The following AUTS2 variants were observed in gnomAD, a reference collection of about 807,000 sequenced individuals.
AUTS2 encodes activator of transcription and developmental regulator AUTS2, also known as autism susceptibility gene 2 protein.
Under a neutral mutation model 112.4 loss-of-function variants are expected in AUTS2, and 17 were observed. The ratio of observed to expected loss-of-function variants is 0.15; its 90% CI spans 0.10 to 0.23. The LOEUF is 0.23. Ranked by LOEUF, AUTS2 falls within the 10% of genes least tolerant of loss-of-function variation. The probability of loss-of-function intolerance (pLI) is 1.00; values close to 1 mark genes in which losing one functional copy is unlikely to be tolerated. For missense variants in AUTS2, 1,510 were observed against 1,701.6 expected (o/e 0.89, Z 1.98); for synonymous variants, 751 against 702.7 (o/e 1.07, Z -1.09).
chr7:70,168,118 A>T lies in AUTS2; in HGVS notation c.660+33547A>T, dbSNP rs376928018. Among the ~76,000 whole-genome samples, 16 of 152,356 alleles carry T rather than the reference A, an allele frequency of 1.1e-4. No homozygotes were observed. In the South Asian group the frequency reaches 3.3e-3, roughly 32 times the overall value. ...TACACTTGAAGCTTTCTGATACATTATTAAGGAAGTTACAGAATATCCATG... is the reference window on the plus strand; with the variant it reads ...TACACTTGAAGCTTTCTGATACATTTTTAAGGAAGTTACAGAATATCCATG... On this transcript the variant is annotated intron_variant, in intron 4 of 18. Coordinates refer to ENST00000342771, the MANE Select transcript of AUTS2 (RefSeq NM_015570.4).
intron 1 of AUTS2, among the ~76,000 whole-genome samples, chr7:69,747,784 G>GGTGTGTGTGT (rs10695531): frequency 0.054 from 7,752 of 144,520 alleles, 226 homozygotes; most frequent in African/African-American, 0.07. Flanking sequence ...GAAGGAGAGG[G>GGTGTGTGTGT]GTGTGTGTGT....
chr7:70,675,953 C>A (rs541247191), intron 5 of AUTS2, among the ~76,000 whole-genome samples: 1 of 152,252 alleles, frequency 6.6e-6, no homozygotes, highest in Admixed American at 6.5e-5. Context: ...AGATGGGGAC[C>A]GCTCCATGGG....
intron 1 of AUTS2, among the ~76,000 whole-genome samples, chr7:69,836,407 A>G (rs1791725445): frequency 6.6e-6 from 1 of 152,148 alleles, no homozygotes; most frequent in South Asian, 2.1e-4. Flanking sequence ...ATATAGAACA[A>G]TTTTATCTTT....
At chr7:69,795,316 A>G (rs2129330654) in intron 1 of AUTS2, among the ~76,000 whole-genome samples, 1 of 152,312 alleles carries the variant, frequency 6.6e-6, no homozygotes. Context: ...CCTTGATTCC[A>G]TGTTTTAGGA....
intron 4 of AUTS2, among the ~76,000 whole-genome samples, chr7:70,356,556 T>A (rs753475502): frequency 1.1e-4 from 17 of 152,218 alleles, no homozygotes; most frequent in African/African-American, 3.9e-4. Flanking sequence ...TTCTTGGTTC[T>A]GTTTGTGGGC....
At chr7:70,081,279 C>G (rs181816070) in intron 2 of AUTS2, among the ~76,000 whole-genome samples, 4 of 151,132 alleles carry the variant, frequency 2.6e-5, no homozygotes, top group Non-Finnish European at 5.9e-5. Flanking sequence ...GAGCTGGACG[C>G]GCTGGTCATG....
intron 4 of AUTS2, among the ~76,000 whole-genome samples, chr7:70,424,064 G>C (rs1795330540): frequency 6.6e-6 from 1 of 152,160 alleles, no homozygotes; most frequent in Non-Finnish European, 1.5e-5. Flanking sequence ...CAAAAATCCG[G>C]TGGGGTGTGT....
chr7:70,101,130 G>A (rs1008260233), intron 2 of AUTS2, among the ~76,000 whole-genome samples: 2 of 151,968 alleles, frequency 1.3e-5, no homozygotes, highest in African/African-American at 4.8e-5. Context: ...TGCCAGCCTC[G>A]GCCTCCCAAA....
intron 18 of AUTS2, 59 bp from the exon 19 acceptor site, chr7:70,789,689 C>A: frequency 1.3e-6 from 2 of 1,557,890 alleles, no homozygotes; most frequent in South Asian, 1.2e-5. Flanking sequence ...CAGCCCCTGG[C>A]CCGGCCGACT....
chr7:69,845,249 G>A (rs1792145661), intron 1 of AUTS2, among the ~76,000 whole-genome samples: 1 of 152,178 alleles, frequency 6.6e-6, no homozygotes, highest in African/African-American at 2.4e-5. Flanking sequence ...CTTTTTATCA[G>A]AGAAGATGAT....
intron 5 of AUTS2, among the ~76,000 whole-genome samples, chr7:70,606,224 G>A (rs771016071): frequency 6.6e-5 from 10 of 152,166 alleles, no homozygotes; most frequent in Non-Finnish European, 1.3e-4. Context: ...AGTGAGCCTC[G>A]TCTAGATCTG....
intron 5 of AUTS2, among the ~76,000 whole-genome samples, chr7:70,649,851 A>G (rs1004538824): frequency 1.3e-5 from 2 of 152,174 alleles, no homozygotes; most frequent in Non-Finnish European, 2.9e-5. Context: ...GTAGGTCAGC[A>G]GAGATGATCT....
intron 5 of AUTS2, among the ~76,000 whole-genome samples, chr7:70,489,214 G>T (rs1798142400): frequency 6.6e-6 from 1 of 152,160 alleles, no homozygotes; most frequent in South Asian, 2.1e-4. Flanking sequence ...GAAAGTTATT[G>T]AAAAAACACA....
intron 1 of AUTS2, among the ~76,000 whole-genome samples, chr7:69,799,100 A>G (rs1789972243): frequency 6.6e-6 from 1 of 151,776 alleles, no homozygotes; most frequent in African/African-American, 2.4e-5. Context: ...ATCACAGTGG[A>G]TCAGTTTATG....
At chr7:69,837,284 T>C (rs1168381079) in intron 1 of AUTS2, among the ~76,000 whole-genome samples, 1 of 152,192 alleles carries the variant, frequency 6.6e-6, no homozygotes, top group Non-Finnish European at 1.5e-5. Flanking sequence ...TCCATGTCCC[T>C]AGTCCTTTAT....
chr7:70,391,924 C>A (rs1793880942), intron 4 of AUTS2, among the ~76,000 whole-genome samples: 2 of 152,062 alleles, frequency 1.3e-5, no homozygotes, highest in Admixed American at 1.3e-4. Flanking sequence ...TCCCTAGCCA[C>A]CCCTGCTGCT....
At chr7:70,239,068 CCTT>C (rs1276344218) in intron 4 of AUTS2, among the ~76,000 whole-genome samples, 2 of 152,172 alleles carry the variant, frequency 1.3e-5, no homozygotes, top group Admixed American at 1.3e-4. Flanking sequence ...TATTTGATGT[CCTT>C]TAATCATCAG....
At chr7:70,216,702 G>A (rs780901111) in intron 4 of AUTS2, among the ~76,000 whole-genome samples, 19 of 152,126 alleles carry the variant, frequency 1.2e-4, no homozygotes, top group Non-Finnish European at 2.2e-4. Context: ...ACTGGCTTCC[G>A]GAGTCCTCCC....
intron 4 of AUTS2, among the ~76,000 whole-genome samples, chr7:70,195,980 G>T (rs1280031127): frequency 6.6e-6 from 1 of 152,142 alleles, no homozygotes; most frequent in Non-Finnish European, 1.5e-5. Context: ...TCCTATACTG[G>T]ATTAAATGAT....
Sources: allele counts gnomAD v4.1 joint callset (sites outside exome capture counted in the v4.1 genomes callset), GRCh38; gene constraint gnomAD v4.1.1; transcripts MANE v1.5; gene names NCBI Gene and HGNC (gene_info 2026-07-23, HGNC 2026-07-21).